CADM2: variants seen among roughly 807,000 people sequenced by gnomAD.
The protein encoded by CADM2 is cell adhesion molecule 2.
A neutral mutation model predicts 49.8 loss-of-function variants in CADM2; 12 were observed. That is an observed-to-expected ratio of 0.24 (90% confidence interval 0.15 to 0.39). The LOEUF (loss-of-function observed/expected upper bound fraction) is 0.39, where lower values mean the gene tolerates loss of function less well. CADM2 is among the 10% of genes least tolerant of loss of function. CADM2 has a pLI of 1.00. For missense variants in CADM2, 378 were observed against 492.3 expected, an observed-to-expected ratio of 0.77 and a Z score of 2.20; for synonymous variants, 214 against 175.4, an observed-to-expected ratio of 1.22 and a Z score of -1.74.
At chr3:85,028,944 TACCGAAATA>T (rs1559624628) in intron 1 of CADM2, among the ~76,000 whole-genome samples, 1 of 151,460 alleles carries the variant, frequency 6.6e-6, no homozygotes, top group Non-Finnish European at 1.5e-5. Context: ...CATACTGTTT[TACCGAAATA>T]AAACAGTATG....
At chr3:85,948,251 C>G (rs919629550) in intron 7 of CADM2, among the ~76,000 whole-genome samples, 2 of 151,364 alleles carry the variant, frequency 1.3e-5, no homozygotes, top group African/African-American at 2.4e-5. Flanking sequence ...AATTGAAATA[C>G]TATGATTATT....
At chr3:85,090,270 C>G (rs1028235991) in intron 1 of CADM2, among the ~76,000 whole-genome samples, 1 of 151,922 alleles carries the variant, frequency 6.6e-6, no homozygotes, top group Non-Finnish European at 1.5e-5. Flanking sequence ...ATGGGAGATG[C>G]CTACATTATG....
intron 1 of CADM2, among the ~76,000 whole-genome samples, chr3:85,560,621 G>C (rs539641475): frequency 6.6e-6 from 1 of 152,278 alleles, no homozygotes; most frequent in African/African-American, 2.4e-5. Flanking sequence ...GCTGAATTGT[G>C]CAAGTACAGG....
At chr3:85,647,265 G>A (rs1320020845) in intron 1 of CADM2, among the ~76,000 whole-genome samples, 1 of 151,678 alleles carries the variant, frequency 6.6e-6, no homozygotes, top group East Asian at 1.9e-4. Context: ...TATAATTTGA[G>A]TTTAGCATGG....
intron 5 of CADM2, 67 bp from the exon 6 acceptor site, chr3:85,912,306 C>A: frequency 1.7e-6 from 2 of 1,197,834 alleles, no homozygotes; most frequent in Non-Finnish European, 2.3e-6. Context: ...TTTCCATTAT[C>A]TTGAGTAAAT....
At chr3:85,546,722 A>G (rs2107085482) in intron 1 of CADM2, among the ~76,000 whole-genome samples, 1 of 152,258 alleles carries the variant, frequency 6.6e-6, no homozygotes, top group South Asian at 2.1e-4. Context: ...TTCCCTGCTA[A>G]TATCTGTTTT....
At chr3:85,470,379 A>C (rs1309961639) in intron 1 of CADM2, among the ~76,000 whole-genome samples, 2 of 152,200 alleles carry the variant, frequency 1.3e-5, no homozygotes, top group Non-Finnish European at 2.9e-5. Context: ...TCAAAAACTT[A>C]AAGACACTTA....
At chr3:85,205,084 C>T (rs1435414115) in intron 1 of CADM2, among the ~76,000 whole-genome samples, 5 of 148,012 alleles carry the variant, frequency 3.4e-5, no homozygotes, top group South Asian at 2.1e-4. Flanking sequence ...GTAGTGTAAT[C>T]GTGGCTCACT....
intron 1 of CADM2, among the ~76,000 whole-genome samples, chr3:85,454,992 T>A (rs996002233): frequency 6.6e-6 from 1 of 152,242 alleles, no homozygotes; most frequent in African/African-American, 2.4e-5. Flanking sequence ...AGAAATCTTA[T>A]GTGTGATAAG....
At chr3:85,450,514 T>A (rs913292166) in intron 1 of CADM2, among the ~76,000 whole-genome samples, 20 of 152,098 alleles carry the variant, frequency 1.3e-4, no homozygotes, top group African/African-American at 4.8e-4. Context: ...AAATAAAACA[T>A]GAATATAATA....
chr3:85,807,434 G>A (rs936541328), intron 3 of CADM2, among the ~76,000 whole-genome samples: 3 of 150,912 alleles, frequency 2.0e-5, no homozygotes, highest in Non-Finnish European at 2.9e-5. Flanking sequence ...TGGAGGCAGA[G>A]GTTGCAGTGA....
At chr3:86,049,307 C>G (rs1737059794) in intron 8 of CADM2, among the ~76,000 whole-genome samples, 1 of 150,044 alleles carries the variant, frequency 6.7e-6, no homozygotes, top group African/African-American at 2.5e-5. Context: ...CAGAGTCTCA[C>G]TCTGTCTCCC....
At chr3:85,975,028 A>G (rs1726597783) in intron 8 of CADM2, among the ~76,000 whole-genome samples, 1 of 151,436 alleles carries the variant, frequency 6.6e-6, no homozygotes, top group African/African-American at 2.4e-5. Context: ...TTTAAATAAA[A>G]CTTCTTAGAT....
chr3:85,534,933 G>A (rs374280184), intron 1 of CADM2, among the ~76,000 whole-genome samples: 39 of 152,150 alleles, frequency 2.6e-4, no homozygotes, highest in African/African-American at 8.9e-4. Context: ...TAAATTTTGG[G>A]AATGCTGAGT....
At chr3:85,224,918 T>C (rs1299564033) in intron 1 of CADM2, among the ~76,000 whole-genome samples, 1 of 152,034 alleles carries the variant, frequency 6.6e-6, no homozygotes, top group East Asian at 1.9e-4. Context: ...TGTAGATGTG[T>C]GGTGTTATTC....
At chr3:85,480,271 C>T (rs759704033) in intron 1 of CADM2, among the ~76,000 whole-genome samples, 1 of 151,628 alleles carries the variant, frequency 6.6e-6, no homozygotes, top group African/African-American at 2.4e-5. Context: ...TCCATAAGCT[C>T]CATAAGTTGT....
chr3:85,465,830 A>G (rs534517126), intron 1 of CADM2, among the ~76,000 whole-genome samples: 2 of 152,314 alleles, frequency 1.3e-5, no homozygotes, highest in South Asian at 4.1e-4. Flanking sequence ...TAGGGGCTGT[A>G]TCTTTGTTGA....
At chr3:85,648,256 G>T (rs1436176742) in intron 1 of CADM2, among the ~76,000 whole-genome samples, 3 of 151,870 alleles carry the variant, frequency 2.0e-5, no homozygotes, top group African/African-American at 7.2e-5. Flanking sequence ...CACAGGTTAT[G>T]CTAGTTTGTC....
chr3:85,728,329 G>A (rs762398422), intron 2 of CADM2, among the ~76,000 whole-genome samples: 1 of 152,190 alleles, frequency 6.6e-6, no homozygotes, highest in Admixed American at 6.5e-5. Context: ...GCCTGTAGGG[G>A]CCTTAACACA....
Sources: allele counts gnomAD v4.1 joint callset (sites outside exome capture counted in the v4.1 genomes callset), GRCh38; gene constraint gnomAD v4.1.1; transcripts MANE v1.5; gene names NCBI Gene and HGNC (gene_info 2026-07-23, HGNC 2026-07-21).